The following AMD1 variants were observed in gnomAD, a reference collection of about 807,000 sequenced individuals.
AMD1 encodes adenosylmethionine decarboxylase 1.
Under a neutral mutation model 40.2 loss-of-function variants are expected in AMD1, and 11 were observed. The ratio of observed to expected loss-of-function variants is 0.27; its 90% CI spans 0.17 to 0.45. The LOEUF is 0.45. Ranked by LOEUF, AMD1 falls within the 20% of genes least tolerant of loss-of-function variation. The probability of loss-of-function intolerance (pLI) is 1.00; values close to 1 mark genes in which losing one functional copy is unlikely to be tolerated. For synonymous variants in AMD1, 121 were observed against 130.8 expected (o/e 0.93, Z 0.51); for missense variants, 257 against 410.2 (o/e 0.63, Z 3.23).
At chr6:110,886,728 G>A (rs916079391) in intron 1 of AMD1, among the ~76,000 whole-genome samples, 1 of 152,180 alleles carries the variant, frequency 6.6e-6, no homozygotes, top group Admixed American at 6.5e-5. Flanking sequence ...AGCTGTGATT[G>A]CACCACTGCA....
chr6:110,824,699 T>C, the AMD1 span, among the ~76,000 whole-genome samples: 17 of 152,006 alleles, frequency 1.1e-4, 1 homozygote, highest in Admixed American at 1.1e-3. Flanking sequence ...AAAATTAAAT[T>C]TTATAAAGAG....
At chr6:110,819,225 C>A in the AMD1 span, among the ~76,000 whole-genome samples, 1 of 152,006 alleles carries the variant, frequency 6.6e-6, no homozygotes, top group East Asian at 1.9e-4. Flanking sequence ...GGCGTGGTGG[C>A]GCATGCCTGT....
At chr6:110,869,741 T>G in the AMD1 span, among the ~76,000 whole-genome samples, 2 of 149,948 alleles carry the variant, frequency 1.3e-5, no homozygotes, top group South Asian at 4.2e-4. Context: ...ACTCCCGACC[T>G]CAGGTGATCC....
At chr6:110,869,136 C>G in the AMD1 span, among the ~76,000 whole-genome samples, 1 of 151,664 alleles carries the variant, frequency 6.6e-6, no homozygotes, top group Non-Finnish European at 1.5e-5. Context: ...ATTACTTTAG[C>G]TTCTTTTTTT....
intron 1 of AMD1, among the ~76,000 whole-genome samples, chr6:110,879,921 AG>A (rs2115279538): frequency 6.6e-6 from 1 of 152,090 alleles, no homozygotes; most frequent in South Asian, 2.1e-4. Flanking sequence ...AGGTGATTAG[AG>A]CATAACCCTG....
chr6:110,861,088 C>G, the AMD1 span, among the ~76,000 whole-genome samples: 10 of 151,568 alleles, frequency 6.6e-5, no homozygotes, highest in Middle Eastern at 3.4e-3. Flanking sequence ...GCTGGGCACG[C>G]TGGCTCACTC....
chr6:110,835,970 G>A, the AMD1 span, among the ~76,000 whole-genome samples: 10 of 127,896 alleles, frequency 7.8e-5, no homozygotes, highest in South Asian at 1.0e-3. Flanking sequence ...CCGTGATTGC[G>A]CCACTGCACT....
chr6:110,855,816 C>A, the AMD1 span, among the ~76,000 whole-genome samples: 11 of 152,168 alleles, frequency 7.2e-5, no homozygotes, highest in Non-Finnish European at 4.4e-5. Flanking sequence ...CGCAGTGATG[C>A]ATGCCTGTAA....
the AMD1 span, among the ~76,000 whole-genome samples, chr6:110,817,331 T>A: frequency 6.6e-6 from 1 of 152,210 alleles, no homozygotes; most frequent in Non-Finnish European, 1.5e-5. Flanking sequence ...CTCTTCAGGC[T>A]GGGTGCAGTG....
chr6:110,827,371 G>A, the AMD1 span, among the ~76,000 whole-genome samples: 1 of 150,444 alleles, frequency 6.6e-6, no homozygotes, highest in African/African-American at 2.5e-5. Flanking sequence ...TCTAACTCCT[G>A]GGCTCAAGCA....
chr6:110,820,216 C>G, the AMD1 span, among the ~76,000 whole-genome samples: 3 of 151,666 alleles, frequency 2.0e-5, no homozygotes, highest in Non-Finnish European at 4.4e-5. Flanking sequence ...ATGGACGCAC[C>G]CCAAATTCTT....
chr6:110,839,700 G>T, the AMD1 span, among the ~76,000 whole-genome samples: 1 of 151,746 alleles, frequency 6.6e-6, no homozygotes, highest in Non-Finnish European at 1.5e-5. Context: ...TTTTAGTGGG[G>T]GCATGGGAAG....
the AMD1 span, among the ~76,000 whole-genome samples, chr6:110,840,832 G>A: frequency 6.6e-6 from 1 of 152,044 alleles, no homozygotes; most frequent in Non-Finnish European, 1.5e-5. Flanking sequence ...CATTTCCTGA[G>A]GCCTGCCCAA....
In AMD1 at chr6:110,892,897, CT is replaced by C. The variant is rs762715000; in HGVS notation, c.709-8del. On this transcript the variant is annotated splice_polypyrimidine_tract_variant and intron_variant, in intron 7 of 8. Coordinates refer to ENST00000368885, the MANE Select transcript of AMD1 (RefSeq NM_001634.6). ...GTCTTTCCATTCTTAACACTGTGAA[CT>C]TTTTCTCTCAGGGAACTTATTGGAC... 6 of 1,613,434 alleles carry C rather than the reference CT, an allele frequency of 3.7e-6. No individual in the cohort carries two copies. The highest frequency in any genetic ancestry group is 4.2e-6 in the Non-Finnish European group (5 of 1,179,700).
chr6:110,870,768 A>C (rs1443270551), upstream of AMD1, among the ~76,000 whole-genome samples: 2 of 152,220 alleles, frequency 1.3e-5, no homozygotes, highest in East Asian at 3.8e-4. Flanking sequence ...AATAATGAGA[A>C]TAAAGACTTT....
the AMD1 span, among the ~76,000 whole-genome samples, chr6:110,836,682 GT>G: frequency 3.8e-4 from 58 of 152,012 alleles, no homozygotes; most frequent in African/African-American, 1.3e-3. Flanking sequence ...TTTTGTTTTT[GT>G]TTTTAGTTAA....
intron 1 of AMD1, among the ~76,000 whole-genome samples, chr6:110,875,830 A>G (rs1346314396): frequency 6.6e-6 from 1 of 151,974 alleles, no homozygotes. Flanking sequence ...GGGAGCAGTT[A>G]TGTCGCAGTG....
chr6:110,822,130 T>TG, the AMD1 span, among the ~76,000 whole-genome samples: 2 of 151,938 alleles, frequency 1.3e-5, no homozygotes, highest in Non-Finnish European at 2.9e-5. Flanking sequence ...CCCAGCACTT[T>TG]GGGAGGCCAA....
chr6:110,815,278 C>G, the AMD1 span: 6 of 964,212 alleles, frequency 6.2e-6, no homozygotes, highest in Non-Finnish European at 8.3e-6. Flanking sequence ...CCCGCCGCTC[C>G]GCGGTCCGCC....
Sources: gnomAD v4.1 joint callset for allele counts (sites outside exome capture counted in the v4.1 genomes callset) on GRCh38, gnomAD v4.1.1 for gene constraint, MANE v1.5 for transcripts, NCBI Gene and HGNC (gene_info 2026-07-23, HGNC 2026-07-21) for gene names.